Variants in MYO16 observed in about 807,000 individuals in gnomAD.
MYO16 encodes myosin XVI, also known as unconventional myosin-XVI.
Under a neutral mutation model 205.3 loss-of-function variants are expected in MYO16, and 94 were observed. The ratio of observed to expected loss-of-function variants is 0.46; its 90% CI spans 0.39 to 0.54. The LOEUF is 0.54. MYO16 is among the 20% of genes least tolerant of loss of function. The pLI is 0.00. For synonymous variants in MYO16, 988 were observed against 954.0 expected (o/e 1.04, Z -0.66); for missense variants, 2,315 against 2,387.5 (o/e 0.97, Z 0.63).
At chr13:108,910,282 G>C in intron 16 of MYO16, 132 bp downstream of exon 16, 3 of 949,088 alleles carry the variant, frequency 3.2e-6, no homozygotes, top group Admixed American at 4.7e-5. Context: ...ATACTGTTAG[G>C]TTGAAACCAT....
At chr13:109,063,102 C>G (rs568217241) in intron 27 of MYO16, among the ~76,000 whole-genome samples, 3 of 152,070 alleles carry the variant, frequency 2.0e-5, no homozygotes, top group Non-Finnish European at 4.4e-5. Context: ...TCTGACATGA[C>G]AATAAATGTG....
At chr13:108,880,233 T>A (rs1297206268) in intron 12 of MYO16, among the ~76,000 whole-genome samples, 1 of 152,232 alleles carries the variant, frequency 6.6e-6, no homozygotes, top group African/African-American at 2.4e-5. Context: ...TGTAAATTTG[T>A]TTGAATTCTT....
At chr13:109,093,977 A>G (rs1566502862) in intron 27 of MYO16, among the ~76,000 whole-genome samples, 1 of 151,726 alleles carries the variant, frequency 6.6e-6, no homozygotes, top group Non-Finnish European at 1.5e-5. Context: ...GCCTTACCCC[A>G]TTGCACTAAC....
chr13:108,525,540 C>A, the MYO16 span, among the ~76,000 whole-genome samples: 405 of 152,298 alleles, frequency 2.7e-3, 3 homozygotes, highest in African/African-American at 9.1e-3. Flanking sequence ...CACTACCCCC[C>A]AGTTTTGATG....
At chr13:108,897,420 G>A (rs761245733) in intron 14 of MYO16, among the ~76,000 whole-genome samples, 3 of 152,198 alleles carry the variant, frequency 2.0e-5, no homozygotes, top group Admixed American at 6.5e-5. Context: ...ACAGGGCAGC[G>A]AGAGAAGGCG....
chr13:108,881,197 G>A (rs1262004074), intron 12 of MYO16, among the ~76,000 whole-genome samples: 1 of 152,166 alleles, frequency 6.6e-6, no homozygotes, highest in African/African-American at 2.4e-5. Flanking sequence ...TGGACCTCCA[G>A]CAAATTTCAA....
At chr13:108,743,100 C>A (rs1408883322) in intron 4 of MYO16, among the ~76,000 whole-genome samples, 1 of 152,082 alleles carries the variant, frequency 6.6e-6, no homozygotes, top group Non-Finnish European at 1.5e-5. Context: ...GCATTTCAAA[C>A]CATAAGAAAC....
intron 27 of MYO16, among the ~76,000 whole-genome samples, chr13:109,063,086 C>A (rs991491578): frequency 6.6e-6 from 1 of 152,116 alleles, no homozygotes; most frequent in Non-Finnish European, 1.5e-5. Flanking sequence ...TTTATTGTTT[C>A]TGAAGTCTGA....
At chr13:109,054,795 A>G (rs1887358728) in intron 25 of MYO16, among the ~76,000 whole-genome samples, 1 of 152,164 alleles carries the variant, frequency 6.6e-6, no homozygotes, top group Non-Finnish European at 1.5e-5. Flanking sequence ...GTGAATGTAC[A>G]TGGATGTGAG....
chr13:108,579,265 A>G, the MYO16 span, among the ~76,000 whole-genome samples: 5,118 of 152,234 alleles, frequency 0.034, 256 homozygotes, highest in African/African-American at 0.11. Flanking sequence ...CCCATGAGTC[A>G]CCATTGCCTT....
At chr13:108,932,467 G>A (rs1234070773) in intron 16 of MYO16, among the ~76,000 whole-genome samples, 1 of 152,206 alleles carries the variant, frequency 6.6e-6, no homozygotes, top group East Asian at 1.9e-4. Context: ...TTTGGCATTG[G>A]TCAAGGCCTC....
intron 4 of MYO16, among the ~76,000 whole-genome samples, chr13:108,752,604 T>C (rs1566587097): frequency 1.3e-5 from 2 of 152,022 alleles, no homozygotes; most frequent in Non-Finnish European, 2.9e-5. Context: ...GATTTCCTTT[T>C]TGTTTTGAAA....
the MYO16 span, among the ~76,000 whole-genome samples, chr13:108,499,557 T>A: frequency 4.6e-5 from 7 of 152,212 alleles, no homozygotes; most frequent in Non-Finnish European, 4.4e-5. Context: ...TTCCCACTTA[T>A]ATAGGAATCT....
chr13:109,090,000 C>A (rs1477160542), intron 27 of MYO16, among the ~76,000 whole-genome samples: 1 of 152,170 alleles, frequency 6.6e-6, no homozygotes, highest in Non-Finnish European at 1.5e-5. Flanking sequence ...GCTCTTGAGC[C>A]AAGAATTGCA....
intron 20 of MYO16, among the ~76,000 whole-genome samples, chr13:108,978,749 C>T (rs1884356109): frequency 6.6e-6 from 1 of 151,800 alleles, no homozygotes; most frequent in Non-Finnish European, 1.5e-5. Context: ...TTTTTCTCTC[C>T]AAAACAGTTT....
chr13:109,157,240 T>C (rs1445142265), intron 32 of MYO16, among the ~76,000 whole-genome samples: 1 of 20,558 alleles, frequency 4.9e-5, no homozygotes, highest in Non-Finnish European at 9.5e-5. Context: ...GATTAGTATT[T>C]ACAAAAAAAA....
At chr13:108,498,927 C>T in the MYO16 span, among the ~76,000 whole-genome samples, 1 of 152,150 alleles carries the variant, frequency 6.6e-6, no homozygotes, top group Admixed American at 6.5e-5. Flanking sequence ...GGTCCTTCTC[C>T]TTCTCACAGA....
chr13:108,930,315 A>C (rs1882199324), intron 16 of MYO16, among the ~76,000 whole-genome samples: 2 of 152,144 alleles, frequency 1.3e-5, no homozygotes, highest in African/African-American at 4.8e-5. Context: ...TGTTCTCATT[A>C]TCAATTTTTT....
intron 9 of MYO16, among the ~76,000 whole-genome samples, chr13:108,833,172 C>T (rs1329324693): frequency 2.6e-5 from 4 of 151,774 alleles, no homozygotes; most frequent in Admixed American, 2.0e-4. Context: ...ACAATACAAA[C>T]TCCAGTTCAG....
Sources: allele counts gnomAD v4.1 joint callset (sites outside exome capture counted in the v4.1 genomes callset), GRCh38; gene constraint gnomAD v4.1.1; transcripts MANE v1.5; gene names NCBI Gene and HGNC (gene_info 2026-07-23, HGNC 2026-07-21).